The following TTC28 variants were observed in gnomAD, a reference collection of about 807,000 sequenced individuals.
The protein encoded by TTC28 is tetratricopeptide repeat domain 28.
TTC28 carries 61 observed loss-of-function variants against 198.0 expected under a neutral mutation model. That is an observed-to-expected ratio of 0.31 (90% CI 0.25 to 0.38). TTC28 has a LOEUF of 0.38. Among genes scored for constraint, TTC28 ranks in the 10% least tolerant of loss-of-function variants. The pLI is 1.00. For missense variants in TTC28, 2,678 were observed against 3,164.0 expected (o/e 0.85, Z 3.69); for synonymous variants, 1,171 against 1,297.8 (o/e 0.90, Z 2.10).
intron 2 of TTC28, among the ~76,000 whole-genome samples, chr22:28,612,429 T>G (rs2224337): frequency 6.6e-6 from 1 of 151,900 alleles, no homozygotes; most frequent in Non-Finnish European, 1.5e-5. Context: ...AGACAGAAAA[T>G]TAACAAGCAT....
chr22:28,616,052 T>C (rs1401818227), intron 2 of TTC28, among the ~76,000 whole-genome samples: 3 of 152,236 alleles, frequency 2.0e-5, no homozygotes, highest in Non-Finnish European at 1.5e-5. Context: ...TAAAATTGAA[T>C]AGTCTCTGCA....
chr22:28,514,735 T>C (rs1242434456), intron 2 of TTC28, among the ~76,000 whole-genome samples: 1 of 152,208 alleles, frequency 6.6e-6, no homozygotes, highest in Non-Finnish European at 1.5e-5. Context: ...ACATATGGTA[T>C]GCATTCAGTG....
chr22:28,304,170 A>G (rs935930554), intron 3 of TTC28, among the ~76,000 whole-genome samples: 17 of 152,134 alleles, frequency 1.1e-4, no homozygotes, highest in African/African-American at 4.1e-4. Flanking sequence ...CTGTAGTCCC[A>G]GCTACTCAGG....
At chr22:28,579,951 C>T (rs1307984641) in intron 2 of TTC28, among the ~76,000 whole-genome samples, 2 of 152,068 alleles carry the variant, frequency 1.3e-5, no homozygotes, top group Admixed American at 1.3e-4. Flanking sequence ...GCCTGAGTGA[C>T]AAAGTGCGAC....
chr22:28,564,381 G>C (rs140780081), intron 2 of TTC28, among the ~76,000 whole-genome samples: 5 of 152,054 alleles, frequency 3.3e-5, no homozygotes, highest in Non-Finnish European at 5.9e-5. Flanking sequence ...GATCTTACAA[G>C]ATACCACATC....
intron 2 of TTC28, among the ~76,000 whole-genome samples, chr22:28,599,286 A>T (rs1019739586): frequency 2.6e-5 from 4 of 152,256 alleles, no homozygotes; most frequent in African/African-American, 9.6e-5. Context: ...CGGTTTTATT[A>T]TTATCAGTGA....
At chr22:28,614,091 CAA>C (rs1356853053) in intron 2 of TTC28, among the ~76,000 whole-genome samples, 1 of 152,168 alleles carries the variant, frequency 6.6e-6, no homozygotes, top group Non-Finnish European at 1.5e-5. Context: ...GCAACTTCAG[CAA>C]AGTCTCAGGA....
chr22:28,342,343 C>T (rs546317581), intron 2 of TTC28, among the ~76,000 whole-genome samples: 3 of 152,180 alleles, frequency 2.0e-5, no homozygotes, highest in Non-Finnish European at 4.4e-5. Context: ...GCTGGATTTC[C>T]ACTGCATTTA....
chr22:28,165,424 G>C (rs1251018785), intron 5 of TTC28, among the ~76,000 whole-genome samples: 1 of 151,888 alleles, frequency 6.6e-6, no homozygotes, highest in Non-Finnish European at 1.5e-5. Context: ...AGAGCAGCCA[G>C]AGAGAAAGGT....
chr22:28,403,920 A>G (rs760211341), intron 2 of TTC28, among the ~76,000 whole-genome samples: 10 of 152,164 alleles, frequency 6.6e-5, no homozygotes, highest in Non-Finnish European at 1.5e-4. Context: ...GCAATTAGGG[A>G]AGACAGACTT....
chr22:28,598,910 T>C (rs1327759605), intron 2 of TTC28, among the ~76,000 whole-genome samples: 1 of 152,198 alleles, frequency 6.6e-6, no homozygotes, highest in Non-Finnish European at 1.5e-5. Context: ...AGCAAATCTT[T>C]AGAGAATTAG....
chr22:28,493,275 G>C (rs891333823), intron 2 of TTC28, among the ~76,000 whole-genome samples: 3 of 152,052 alleles, frequency 2.0e-5, no homozygotes, highest in Admixed American at 2.0e-4. Flanking sequence ...AGAATTGCTT[G>C]AACCCGGGAG....
At chr22:28,403,993 TTTGGC>T (rs1189430510) in intron 2 of TTC28, among the ~76,000 whole-genome samples, 1 of 152,206 alleles carries the variant, frequency 6.6e-6, no homozygotes, top group African/African-American at 2.4e-5. Flanking sequence ...ATCATGTGGC[TTTGGC>T]TTGGCTTTTG....
intron 2 of TTC28, among the ~76,000 whole-genome samples, chr22:28,365,603 C>A (rs539109838): frequency 1.3e-5 from 2 of 152,180 alleles, no homozygotes; most frequent in African/African-American, 4.8e-5. Context: ...GGTTTAGAGG[C>A]TGTTTCTGCA....
chr22:28,370,509 C>T (rs1354734430), intron 2 of TTC28, among the ~76,000 whole-genome samples: 1 of 152,186 alleles, frequency 6.6e-6, no homozygotes, highest in Non-Finnish European at 1.5e-5. Context: ...AAAAACTATT[C>T]TATATCTTGT....
At chr22:28,296,030 T>C (rs544139239) in intron 5 of TTC28, among the ~76,000 whole-genome samples, 168 bp downstream of exon 5, 17 of 152,294 alleles carry the variant, frequency 1.1e-4, no homozygotes, top group African/African-American at 2.2e-4. Context: ...CTTGGATATA[T>C]AGAACACTCA....
intron 2 of TTC28, among the ~76,000 whole-genome samples, chr22:28,368,269 A>G (rs905112577): frequency 6.6e-6 from 1 of 152,122 alleles, no homozygotes; most frequent in Non-Finnish European, 1.5e-5. Flanking sequence ...GTGATACATC[A>G]TATTAATGGA....
At position 28,014,342 on chromosome 22, in the gene TTC28, T is replaced by C; in HGVS notation, c.4124A>G (p.Gln1375Arg). ...SLFSNTVSPT[Q>R]DGTSSLPRRQ... ...CCTGGGAAGAGAGGAGGTCCCGTCC[T>C]GGGTCGGTGACACAGTGTTACTGAA... The change falls in exon 14 of 23, where the codon CAG (glutamine) becomes CGG (arginine). Residue 1375 changes from glutamine to arginine, a missense_variant. By Grantham distance (43) the Gln-to-Arg change is conservative. This residue lies in a region of TTC28 where 727 missense variants were observed against 861.9 expected (regional missense o/e 0.84). Transcript: ENST00000397906. 1 of 1,551,624 alleles carries C rather than the reference T, an allele frequency of 6.4e-7. No homozygotes were observed. Among genetic ancestry groups the C allele is most frequent in the Non-Finnish European group, 8.7e-7 (1 of 1,146,962 alleles).
intron 1 of TTC28, among the ~76,000 whole-genome samples, chr22:28,652,860 A>T (rs1161052738): frequency 6.6e-6 from 1 of 152,136 alleles, no homozygotes; most frequent in Non-Finnish European, 1.5e-5. Context: ...TGCCCAACTG[A>T]TCCCTATTGT....
Sources: gnomAD v4.1 joint callset for allele counts (sites outside exome capture counted in the v4.1 genomes callset) on GRCh38, gnomAD v4.1.1 for gene constraint, gnomAD v4.1.1 regional missense constraint, MANE v1.5 for transcripts, NCBI Gene and HGNC (gene_info 2026-07-23, HGNC 2026-07-21) for gene names.